The following DDX10 variants were observed in gnomAD, a reference collection of about 807,000 sequenced individuals.
The protein encoded by DDX10 is DEAD-box helicase 10, also known as probable ATP-dependent RNA helicase DDX10.
A neutral mutation model predicts 104.3 loss-of-function variants in DDX10; 74 were observed. The ratio of observed to expected loss-of-function variants is 0.71; its 90% CI spans 0.59 to 0.86. The LOEUF (loss-of-function observed/expected upper bound fraction) is 0.86, where lower values mean the gene tolerates loss of function less well. Ranked by LOEUF, DDX10 falls within the 40% of genes least tolerant of loss-of-function variation. DDX10 has a pLI of 0.00. For missense variants in DDX10, 952 were observed against 1,040.0 expected (o/e 0.92, Z 1.16); for synonymous variants, 351 against 353.4 (o/e 0.99, Z 0.08).
chr11:108,865,931 A>G (rs1246226978), intron 16 of DDX10, among the ~76,000 whole-genome samples: 6 of 152,182 alleles, frequency 3.9e-5, no homozygotes. Context: ...TCCAAAGAAA[A>G]AAAATAATAA....
chr11:108,723,431 G>C lies in DDX10; in HGVS notation c.1934G>C (p.Gly645Ala). ...FLKVKRHNVF[G>A]LDLKDEKTLQ... Reference sequence around the variant, plus strand: ...AAGGTGAAGCGGCATAATGTGTTTGGATTGGACCTTAAAGACGAGAAAACA... The same window carrying C: ...AAGGTGAAGCGGCATAATGTGTTTGCATTGGACCTTAAAGACGAGAAAACA... The change falls in exon 13 of 18, where the codon GGA becomes GCA. Residue 645 changes from glycine to alanine, a missense_variant. This residue lies in a region of DDX10 where 533 missense variants were observed against 534.1 expected (regional missense o/e 1.00). Coordinates refer to ENST00000322536, the MANE Select transcript of DDX10 (RefSeq NM_004398.4). 1.9e-6 allele frequency: 3 copies of C among 1,612,574 alleles called. No homozygotes were observed. The highest frequency in any genetic ancestry group is 2.5e-6 in the Non-Finnish European group (3 of 1,179,428).
chr11:108,796,715 C>G (rs1861945837), intron 13 of DDX10, among the ~76,000 whole-genome samples: 1 of 152,082 alleles, frequency 6.6e-6, no homozygotes, highest in Non-Finnish European at 1.5e-5. Context: ...AATGTGTCCT[C>G]CAAAGTTATT....
At chr11:108,911,926 T>C (rs943270777) in intron 16 of DDX10, among the ~76,000 whole-genome samples, 7 of 152,132 alleles carry the variant, frequency 4.6e-5, no homozygotes, top group Non-Finnish European at 7.3e-5. Context: ...TTGTAAGGCA[T>C]CCTCTCAGTG....
At chr11:108,839,488 A>T (rs1862607126) in intron 14 of DDX10, among the ~76,000 whole-genome samples, 1 of 152,206 alleles carries the variant, frequency 6.6e-6, no homozygotes, top group South Asian at 2.1e-4. Flanking sequence ...TACCTAACAT[A>T]ATAAGCCCTC....
chr11:108,896,808 A>G (rs1025428291), intron 16 of DDX10, among the ~76,000 whole-genome samples: 1 of 152,122 alleles, frequency 6.6e-6, no homozygotes, highest in African/African-American at 2.4e-5. Context: ...CTTACATGAT[A>G]GTGACATTGT....
chr11:108,802,010 G>GGTTTGT lies in DDX10; in HGVS notation c.1966-36434_1966-36433insTTGTGT, dbSNP rs1555026957. Among the ~76,000 whole-genome samples the GGTTTGT allele has an allele frequency of 4.2e-5, 6 of 142,064 alleles. No individual in the cohort carries two copies. In the East Asian group the frequency reaches 1.2e-3, roughly 30 times the overall value. The allele number at this position is 142,064 out of a possible 152,430, so 93.2% of individuals were successfully genotyped here. A position where few individuals can be genotyped will look rare whatever the true frequency, so the allele number is the denominator to read the frequency against. On this transcript the variant is annotated intron_variant, in intron 13 of 17. Transcript: ENST00000322536. Reference sequence around the variant, plus strand: ...AAGGAAGGGGAGAGAAAGTGAGTGGGGTGTGTGTGTGTGTGTGTGTGTGTG... The same window carrying GGTTTGT: ...AAGGAAGGGGAGAGAAAGTGAGTGGGGTTTGTGTGTGTGTGTGTGTGTGTGTGTGTG...
chr11:108,897,051 A>T (rs1031710442), intron 16 of DDX10, among the ~76,000 whole-genome samples: 1 of 152,166 alleles, frequency 6.6e-6, no homozygotes, highest in African/African-American at 2.4e-5. Context: ...GAAACAGCTA[A>T]CATTCCTGGC....
chr11:108,780,505 T>C (rs1391844265), intron 13 of DDX10, among the ~76,000 whole-genome samples: 1 of 152,162 alleles, frequency 6.6e-6, no homozygotes, highest in African/African-American at 2.4e-5. Flanking sequence ...TGTTTCCAGT[T>C]TAGCTGTCAT....
chr11:108,677,588 T>C (rs1359443686), intron 4 of DDX10, among the ~76,000 whole-genome samples: 1 of 151,580 alleles, frequency 6.6e-6, no homozygotes, highest in Non-Finnish European at 1.5e-5. Flanking sequence ...GGCTGAATAA[T>C]TCAGAGGATT....
chr11:108,849,404 A>C (rs1171967446), intron 15 of DDX10, among the ~76,000 whole-genome samples: 1 of 152,104 alleles, frequency 6.6e-6, no homozygotes, highest in Non-Finnish European at 1.5e-5. Context: ...TTCAAATTAC[A>C]AATTTTCAAG....
intron 16 of DDX10, among the ~76,000 whole-genome samples, chr11:108,873,361 A>C (rs1168821412): frequency 5.9e-5 from 9 of 152,156 alleles, no homozygotes; most frequent in Non-Finnish European, 1.3e-4. Context: ...AAAAGTTACA[A>C]TCTATTCTCT....
intron 16 of DDX10, among the ~76,000 whole-genome samples, chr11:108,912,100 C>T (rs966948252): frequency 1.3e-5 from 2 of 152,146 alleles, no homozygotes; most frequent in African/African-American, 4.8e-5. Flanking sequence ...ACACACATTT[C>T]TCAGAGTTCT....
At chr11:108,926,790 A>G (rs1189889409) in intron 17 of DDX10, among the ~76,000 whole-genome samples, 2 of 152,184 alleles carry the variant, frequency 1.3e-5, no homozygotes, top group East Asian at 3.9e-4. Context: ...GGCACAACAT[A>G]TTTGAATACC....
intron 9 of DDX10, among the ~76,000 whole-genome samples, chr11:108,701,039 C>T (rs1207778172): frequency 6.6e-6 from 1 of 152,126 alleles, no homozygotes; most frequent in Non-Finnish European, 1.5e-5. Context: ...TCATTTGTCA[C>T]TGTTGGGCCT....
intron 7 of DDX10, among the ~76,000 whole-genome samples, chr11:108,691,263 G>A (rs2094252125): frequency 6.6e-6 from 1 of 152,148 alleles, no homozygotes. Flanking sequence ...TAGGAGCTCA[G>A]AATTAAACTT....
intron 14 of DDX10, 130 bp from the exon 15 acceptor site, chr11:108,841,185 A>C: frequency 1.4e-6 from 1 of 726,526 alleles, no homozygotes. Flanking sequence ...TTAGAAGATT[A>C]AATAATACAG....
intron 12 of DDX10, among the ~76,000 whole-genome samples, chr11:108,722,054 G>A (rs1269064653): frequency 6.6e-6 from 1 of 152,156 alleles, no homozygotes; most frequent in Non-Finnish European, 1.5e-5. Flanking sequence ...TGTGAGGTAG[G>A]TACTCTTAGC....
At chr11:108,840,446 A>G (rs80285582) in intron 14 of DDX10, among the ~76,000 whole-genome samples, 2,031 of 152,296 alleles carry the variant, frequency 0.013, 39 homozygotes, top group African/African-American at 0.047. Flanking sequence ...TGAATTGTCT[A>G]TAGAGTTTTG....
At chr11:108,734,240 A>T (rs987649675) in intron 13 of DDX10, among the ~76,000 whole-genome samples, 1 of 152,194 alleles carries the variant, frequency 6.6e-6, no homozygotes, top group Non-Finnish European at 1.5e-5. Context: ...TAAAGTCAAG[A>T]CTACTGTACT....
Sources: allele counts gnomAD v4.1 joint callset (sites outside exome capture counted in the v4.1 genomes callset), GRCh38; gene constraint gnomAD v4.1.1; regional missense constraint gnomAD v4.1.1; transcripts MANE v1.5; gene names NCBI Gene and HGNC (gene_info 2026-07-23, HGNC 2026-07-21).